Variants in FSTL5 observed in about 807,000 individuals in gnomAD.
FSTL5 encodes follistatin like 5.
FSTL5 carries 62 observed loss-of-function variants against 89.1 expected under a neutral mutation model. The observed-to-expected ratio is 0.70, with a 90% confidence interval of 0.57 to 0.86. FSTL5 has a LOEUF of 0.86. Among genes scored for constraint, FSTL5 ranks in the 40% least tolerant of loss-of-function variants. The pLI, the probability that FSTL5 is intolerant of heterozygous loss-of-function variation, is 0.00. For missense variants in FSTL5, 1,057 were observed against 1,001.6 expected, an observed-to-expected ratio of 1.06 and a Z score of -0.75; for synonymous variants, 383 against 346.2, an observed-to-expected ratio of 1.11 and a Z score of -1.18.
chr4:161,721,218 C>T (rs1739197281), intron 6 of FSTL5, among the ~76,000 whole-genome samples: 1 of 134,592 alleles, frequency 7.4e-6, no homozygotes, highest in African/African-American at 2.7e-5. Flanking sequence ...GCGGAGCTTG[C>T]AGTGAGCCGA....
intron 3 of FSTL5, among the ~76,000 whole-genome samples, chr4:161,962,932 A>G (rs1379240117): frequency 2.6e-5 from 4 of 152,160 alleles, no homozygotes; most frequent in Middle Eastern, 6.8e-3. Context: ...TTCACAGCAG[A>G]ATCCATTCTT....
At chr4:162,150,579 A>G (rs1733187722) in intron 1 of FSTL5, among the ~76,000 whole-genome samples, 1 of 152,234 alleles carries the variant, frequency 6.6e-6, no homozygotes, top group Non-Finnish European at 1.5e-5. Context: ...AATTACTACC[A>G]GAAAAAAACA....
Position 162,029,819 on chromosome 4 carries a change from AC to A in FSTL5, c.160+3805del, listed in dbSNP as rs369298962. 1.7e-3 allele frequency among the ~76,000 whole-genome samples: 257 copies of A among 152,202 alleles called. 6 individuals carry two copies. In the South Asian group the frequency reaches 0.052, roughly 31 times the overall value. On this transcript the variant is annotated intron_variant, in intron 3 of 15. Coordinates refer to ENST00000306100, the MANE Select transcript of FSTL5 (RefSeq NM_020116.5). ...TCACTAATAACAGTATGCTAAATGT[AC>A]CTAATGTACAGTTGGTAATTTGTTA...
chr4:161,510,519 T>C (rs1056372653), intron 10 of FSTL5, 95 bp from the exon 11 acceptor site: 1 of 697,926 alleles, frequency 1.4e-6, no homozygotes. Flanking sequence ...ATGTCAAATA[T>C]CTATGATAGA....
chr4:161,469,446 C>T (rs1329004622), intron 13 of FSTL5, among the ~76,000 whole-genome samples: 1 of 152,128 alleles, frequency 6.6e-6, no homozygotes, highest in East Asian at 1.9e-4. Flanking sequence ...TTCAATCTCT[C>T]CAACCCCGTG....
intron 3 of FSTL5, among the ~76,000 whole-genome samples, chr4:161,950,260 G>GT (rs1323882822): frequency 6.6e-6 from 1 of 152,126 alleles, no homozygotes; most frequent in Admixed American, 6.5e-5. Context: ...TCTTTAGAAT[G>GT]TTTTAACATG....
chr4:161,435,670 G>A (rs1732534490), intron 15 of FSTL5, among the ~76,000 whole-genome samples: 1 of 151,126 alleles, frequency 6.6e-6, no homozygotes, highest in Non-Finnish European at 1.5e-5. Context: ...TTGTATGAAT[G>A]TATCTCCTGT....
intron 14 of FSTL5, among the ~76,000 whole-genome samples, chr4:161,455,768 T>C (rs1275814306): frequency 1.3e-5 from 2 of 152,174 alleles, no homozygotes; most frequent in Non-Finnish European, 2.9e-5. Flanking sequence ...TGTTAGTTCT[T>C]TCTTCAGATC....
At chr4:161,623,233 C>T (rs907498179) in intron 7 of FSTL5, among the ~76,000 whole-genome samples, 1 of 151,894 alleles carries the variant, frequency 6.6e-6, no homozygotes, top group African/African-American at 2.4e-5. Flanking sequence ...TTTCCATTAA[C>T]ATAACTTTCA....
intron 4 of FSTL5, among the ~76,000 whole-genome samples, chr4:161,903,338 C>T (rs1276351202): frequency 1.3e-5 from 2 of 152,006 alleles, no homozygotes; most frequent in Non-Finnish European, 2.9e-5. Flanking sequence ...AATCTTCTTT[C>T]TTTAGTCCCT....
chr4:161,986,065 A>G (rs1410518184), intron 3 of FSTL5, among the ~76,000 whole-genome samples: 1 of 152,106 alleles, frequency 6.6e-6, no homozygotes, highest in Non-Finnish European at 1.5e-5. Context: ...AAATGTGACT[A>G]TATTCCTCCT....
intron 12 of FSTL5, chr4:161,495,127 A>G (rs1401460631): frequency 1.3e-5 from 2 of 152,128 alleles, no homozygotes; most frequent in Non-Finnish European, 2.9e-5. Flanking sequence ...ACAATATAAG[A>G]CATATGCATA....
intron 3 of FSTL5, among the ~76,000 whole-genome samples, chr4:161,996,704 C>T (rs1032444772): frequency 2.6e-5 from 4 of 152,168 alleles, no homozygotes; most frequent in Non-Finnish European, 4.4e-5. Flanking sequence ...ATTTTGGAAC[C>T]GTTGGCCCAG....
intron 3 of FSTL5, among the ~76,000 whole-genome samples, chr4:161,969,851 T>C (rs1178460213): frequency 1.3e-5 from 2 of 152,034 alleles, no homozygotes; most frequent in Non-Finnish European, 2.9e-5. Flanking sequence ...TGAGGGATGA[T>C]AATAATAATA....
At chr4:161,735,528 C>T (rs1343957514) in intron 6 of FSTL5, among the ~76,000 whole-genome samples, 3 of 152,144 alleles carry the variant, frequency 2.0e-5, no homozygotes, top group Non-Finnish European at 2.9e-5. Context: ...ATGAGGTTAT[C>T]CTGTTTTCCA....
intron 5 of FSTL5, among the ~76,000 whole-genome samples, chr4:161,762,069 T>A (rs1451563118): frequency 6.6e-6 from 1 of 152,186 alleles, no homozygotes; most frequent in Non-Finnish European, 1.5e-5. Context: ...AAATGGCACA[T>A]ATTTAATGTA....
At chr4:161,427,720 C>A (rs77845356) in intron 15 of FSTL5, among the ~76,000 whole-genome samples, 2 of 151,998 alleles carry the variant, frequency 1.3e-5, no homozygotes, top group Non-Finnish European at 2.9e-5. Flanking sequence ...ATAAATGATA[C>A]GTAAAGACAA....
chr4:161,970,839 T>G (rs561144740), intron 3 of FSTL5, among the ~76,000 whole-genome samples: 5 of 152,184 alleles, frequency 3.3e-5, no homozygotes, highest in Admixed American at 2.6e-4. Context: ...GATTGAAAAT[T>G]TATTTGTATT....
chr4:161,840,898 A>C (rs1731189030), intron 4 of FSTL5, among the ~76,000 whole-genome samples: 1 of 152,138 alleles, frequency 6.6e-6, no homozygotes, highest in Non-Finnish European at 1.5e-5. Flanking sequence ...GAGGAGGGAG[A>C]GTGAGATGGG....
Sources: allele counts gnomAD v4.1 joint callset (sites outside exome capture counted in the v4.1 genomes callset), GRCh38; gene constraint gnomAD v4.1.1; transcripts MANE v1.5; gene names NCBI Gene and HGNC (gene_info 2026-07-23, HGNC 2026-07-21).